Variants in TENM4 observed in about 807,000 individuals in gnomAD.
TENM4 encodes teneurin transmembrane protein 4.
A neutral mutation model predicts 243.3 loss-of-function variants in TENM4; 82 were observed. The ratio of observed to expected loss-of-function variants is 0.34; its 90% CI spans 0.28 to 0.40. The LOEUF (loss-of-function observed/expected upper bound fraction) is 0.40. Among genes scored for constraint, TENM4 ranks in the 10% least tolerant of loss-of-function variants. The pLI is 1.00. For missense variants in TENM4, 3,138 were observed against 3,673.3 expected (o/e 0.85, Z 3.77); for synonymous variants, 1,412 against 1,456.3 (o/e 0.97, Z 0.69).
At chr11:78,801,015 G>A (rs943302061) in intron 15 of TENM4, among the ~76,000 whole-genome samples, 1 of 152,144 alleles carries the variant, frequency 6.6e-6, no homozygotes, top group Non-Finnish European at 1.5e-5. Context: ...TTAGTTCAGT[G>A]CCTGGTACAT....
At chr11:78,886,140 T>G (rs1039934677) in intron 9 of TENM4, among the ~76,000 whole-genome samples, 1 of 152,220 alleles carries the variant, frequency 6.6e-6, no homozygotes, top group African/African-American at 2.4e-5. Flanking sequence ...TCATAATTCT[T>G]AAATGAGTTA....
chr11:79,370,873 G>C (rs1160445645), intron 1 of TENM4, among the ~76,000 whole-genome samples: 1 of 145,360 alleles, frequency 6.9e-6, no homozygotes, highest in Non-Finnish European at 1.5e-5. Flanking sequence ...GATGTACATA[G>C]TTTGGGAAAA....
chr11:78,783,684 T>C (rs1856880179), intron 16 of TENM4, among the ~76,000 whole-genome samples: 1 of 152,216 alleles, frequency 6.6e-6, no homozygotes, highest in South Asian at 2.1e-4. Context: ...GGATTGAATG[T>C]GAAATATTTT....
intron 6 of TENM4, among the ~76,000 whole-genome samples, chr11:79,043,838 G>A (rs1039728514): frequency 2.0e-5 from 3 of 152,076 alleles, no homozygotes; most frequent in African/African-American, 7.2e-5. Flanking sequence ...ATCTCCATTT[G>A]GCCTCAGAGG....
At chr11:78,963,589 C>T (rs537853000) in intron 6 of TENM4, among the ~76,000 whole-genome samples, 65 of 152,178 alleles carry the variant, frequency 4.3e-4, no homozygotes, top group Non-Finnish European at 5.9e-4. Context: ...TAAGGTTCAG[C>T]GGGGCTCTAA....
rs780682011 is a variant in TENM4, at chr11:78,657,531, T to C, written c.*527A>G. 17 of 269,668 alleles carry C rather than the reference T, an allele frequency of 6.3e-5. No homozygotes were observed. The highest frequency in any genetic ancestry group is 1.0e-4 in the Non-Finnish European group (15 of 144,034). 16.7% of individuals were successfully genotyped at this position (269,668 alleles called of 1,614,324 possible). A position where few individuals can be genotyped will look rare whatever the true frequency, so the allele number is the denominator to read the frequency against. On this transcript the variant is annotated 3_prime_UTR_variant, in exon 34 of 34. Transcript: ENST00000278550. ...AAGGTGAGAAGAAATCCACCACTCT[T>C]CTGCAGGAGCCCTGCCAAGGAGCCT...
intron 4 of TENM4, among the ~76,000 whole-genome samples, chr11:79,130,335 C>T (rs976151421): frequency 1.3e-4 from 20 of 152,158 alleles, no homozygotes; most frequent in African/African-American, 3.9e-4. Context: ...TGATCTTTAA[C>T]ACCCCCCAAA....
chr11:78,855,531 T>C (rs1858660988), intron 11 of TENM4, among the ~76,000 whole-genome samples: 1 of 152,236 alleles, frequency 6.6e-6, no homozygotes, highest in Non-Finnish European at 1.5e-5. Context: ...TTCTTCTTTC[T>C]TCACAACAGC....
At chr11:79,014,013 G>A (rs1565167401) in intron 6 of TENM4, among the ~76,000 whole-genome samples, 1 of 151,984 alleles carries the variant, frequency 6.6e-6, no homozygotes, top group Non-Finnish European at 1.5e-5. Flanking sequence ...ACCTAACAAA[G>A]TCTATGACAT....
chr11:79,048,936 G>A (rs1280260196), intron 6 of TENM4, among the ~76,000 whole-genome samples: 1 of 152,132 alleles, frequency 6.6e-6, no homozygotes, highest in Non-Finnish European at 1.5e-5. Flanking sequence ...GGGACCTTAG[G>A]CATCATTTTA....
intron 1 of TENM4, among the ~76,000 whole-genome samples, chr11:79,345,092 A>G (rs1328061294): frequency 6.6e-6 from 1 of 152,218 alleles, no homozygotes; most frequent in Non-Finnish European, 1.5e-5. Flanking sequence ...CATCAGGTTA[A>G]TGTTAACAAG....
intron 15 of TENM4, among the ~76,000 whole-genome samples, chr11:78,800,247 C>T (rs909181271): frequency 2.6e-5 from 4 of 152,172 alleles, no homozygotes; most frequent in Non-Finnish European, 5.9e-5. Context: ...CTCAGCAGTG[C>T]TGCTGAGTGT....
At chr11:79,364,025 T>C (rs1857634154) in intron 1 of TENM4, among the ~76,000 whole-genome samples, 1 of 152,240 alleles carries the variant, frequency 6.6e-6, no homozygotes, top group Non-Finnish European at 1.5e-5. Context: ...CTGTTGGCTG[T>C]CACCTTCTGA....
intron 1 of TENM4, among the ~76,000 whole-genome samples, chr11:79,390,859 T>C (rs1294397277): frequency 2.0e-5 from 3 of 152,214 alleles, no homozygotes; most frequent in South Asian, 2.1e-4. Flanking sequence ...CTACTTTATA[T>C]AGTTATTTAG....
intron 2 of TENM4, among the ~76,000 whole-genome samples, chr11:79,242,741 A>G (rs1855446852): frequency 6.6e-6 from 1 of 152,230 alleles, no homozygotes; most frequent in African/African-American, 2.4e-5. Flanking sequence ...AAATAAAGCT[A>G]TAGTGAACAC....
In TENM4 at chr11:78,654,032, C is replaced by CT. The variant is rs1303635381; in HGVS notation, c.*4025dup. 1 of 152,172 alleles carries CT rather than the reference C, an allele frequency of 6.6e-6. No homozygotes were observed. Among genetic ancestry groups the CT allele is most frequent in the African/African-American group, 2.4e-5 (1 of 41,440 alleles). The allele number at this position is 152,172 out of a possible 1,614,324, so 9.4% of individuals were successfully genotyped here. A position where few individuals can be genotyped will look rare whatever the true frequency, so the allele number is the denominator to read the frequency against. ...TGAAAGGGCCTTGAACTGCAGAGTTCTTTTTTAATTCCCTTTCCTCCAGTA... is the reference window on the plus strand; with the variant it reads ...TGAAAGGGCCTTGAACTGCAGAGTTCTTTTTTTAATTCCCTTTCCTCCAGTA... On this transcript the variant is annotated 3_prime_UTR_variant, in exon 34 of 34. Transcript: ENST00000278550.
chr11:79,045,265 C>G (rs915432474), intron 6 of TENM4, among the ~76,000 whole-genome samples: 1 of 152,064 alleles, frequency 6.6e-6, no homozygotes, highest in Admixed American at 6.5e-5. Context: ...GGTAGATGCA[C>G]GGTCACAGCT....
intron 12 of TENM4, among the ~76,000 whole-genome samples, chr11:78,851,975 T>C (rs1348111029): frequency 1.3e-5 from 2 of 152,160 alleles, no homozygotes; most frequent in Non-Finnish European, 2.9e-5. Context: ...CACAAGAAGG[T>C]ATCCAGGGAG....
intron 8 of TENM4, among the ~76,000 whole-genome samples, 162 bp from the exon 9 acceptor site, chr11:78,890,182 C>T (rs902102301): frequency 1.5e-4 from 23 of 152,142 alleles, no homozygotes; most frequent in African/African-American, 4.6e-4. Flanking sequence ...AGGAGAGCTA[C>T]GGACTAGACC....
Sources: allele counts gnomAD v4.1 joint callset (sites outside exome capture counted in the v4.1 genomes callset), GRCh38; gene constraint gnomAD v4.1.1; transcripts MANE v1.5; gene names NCBI Gene and HGNC (gene_info 2026-07-23, HGNC 2026-07-21).